CLCN5: variants seen among roughly 807,000 people sequenced by gnomAD.
The protein encoded by CLCN5 is Cl-/H+ antiporter 5, also known as H(+)/Cl(-) exchange transporter 5.
A neutral mutation model predicts 54.0 loss-of-function variants in CLCN5; 17 were observed. The observed-to-expected ratio is 0.31, with a 90% CI of 0.22 to 0.47. The LOEUF is 0.47. CLCN5 is among the 20% of genes least tolerant of loss of function. The pLI, the probability that CLCN5 is intolerant of heterozygous loss-of-function variation, is 1.00. For missense variants in CLCN5, 448 were observed against 646.7 expected, an observed-to-expected ratio of 0.69 and a Z score of 3.33; for synonymous variants, 222 against 233.0, an observed-to-expected ratio of 0.95 and a Z score of 0.43.
At chrX:50,056,865 T>C (rs1125430) in intron 4 of CLCN5, among the ~76,000 whole-genome samples, 3 of 112,072 alleles carry the variant, frequency 2.7e-5, no homozygotes, top group Non-Finnish European at 5.6e-5. Context: ...CTCATAACTC[T>C]CAAACTTCAT....
chrX:50,060,254 T>C (rs1266902172), intron 4 of CLCN5, among the ~76,000 whole-genome samples: 2 of 110,806 alleles, frequency 1.8e-5, no homozygotes, highest in Non-Finnish European at 3.8e-5. Context: ...ACCGGGTTCA[T>C]CTCACTAGGG....
In CLCN5 at chrX:49,940,565, G is replaced by A. The variant is rs62592045; in HGVS notation, c.16+15251G>A. The stretch of plus-strand genomic sequence containing the variant: ...CTCAGAGACTAGCTTTTGGAAGGAC[G>A]GTATCTGCTTCTGAATCTTCTTAGT... On this transcript the variant is annotated intron_variant, in intron 3 of 14. Transcript: ENST00000376091. 2.7e-3 allele frequency among the ~76,000 whole-genome samples: 300 copies of A among 112,230 alleles called. 1 individual carries two copies. Among genetic ancestry groups the A allele is most frequent in the Non-Finnish European group, 3.9e-3 (207 of 53,204 alleles).
intron 3 of CLCN5, among the ~76,000 whole-genome samples, chrX:49,949,847 A>G (rs1347135765): frequency 8.9e-6 from 1 of 111,894 alleles, no homozygotes; most frequent in Non-Finnish European, 1.9e-5. Context: ...CAATTTGGCT[A>G]TGGCTTCTGT....
At chrX:50,083,011 A>G (rs1933759294) in intron 9 of CLCN5, among the ~76,000 whole-genome samples, 1 of 111,260 alleles carries the variant, frequency 9.0e-6, no homozygotes, top group Non-Finnish European at 1.9e-5. Context: ...TTTTTAAAAA[A>G]AAGTTCCAAG....
intron 3 of CLCN5, among the ~76,000 whole-genome samples, chrX:49,990,977 G>A (rs1929231662): frequency 8.9e-6 from 1 of 112,463 alleles, no homozygotes; most frequent in East Asian, 2.8e-4. Flanking sequence ...ATTTGGGCTG[G>A]TTCCATATTT....
At chrX:50,028,345 C>G (rs1352539720) in intron 3 of CLCN5, among the ~76,000 whole-genome samples, 1 of 111,983 alleles carries the variant, frequency 8.9e-6, no homozygotes, top group African/African-American at 3.2e-5. Context: ...AGCTTTTTCT[C>G]TGATCTTCAC....
In CLCN5 at chrX:49,944,078, G is replaced by C. The variant is rs782184905; in HGVS notation, c.16+18764G>C. Among the ~76,000 whole-genome samples the C allele has an allele frequency of 4.5e-5, 5 of 111,105 alleles. No individual in the cohort carries two copies. The South Asian group carries it at 1.9e-3, about 43-fold the overall frequency. On this transcript the variant is annotated intron_variant, in intron 3 of 14. Coordinates refer to ENST00000376091, the MANE Select transcript of CLCN5 (RefSeq NM_001127898.4). ...ATTTGTTTGTATCCTCTTTTATTTC[G>C]TTGAGCATTAGTTTGTAGTTCTCCT...
intron 4 of CLCN5, among the ~76,000 whole-genome samples, chrX:50,057,723 A>G (rs1212226425): frequency 4.7e-5 from 5 of 105,740 alleles, no homozygotes; most frequent in Non-Finnish European, 7.9e-5. Flanking sequence ...GGCTACTCCA[A>G]CTACATTTGC....
rs1404035278 is a variant in CLCN5, at chrX:50,019,602, T to C, written c.17-22714T>C. On this transcript the variant is annotated intron_variant, in intron 3 of 14. Transcript: ENST00000376091. ...CTAATGTGTCATCTAGCATTAGGTA[T>C]ATCTCCCAATGCTATCCCTCCCCCC... 5.5e-5 allele frequency among the ~76,000 whole-genome samples: 3 copies of C among 54,214 alleles called. No homozygotes were observed. The East Asian group carries it at 1.8e-3, about 33-fold the overall frequency. 47.1% of individuals were successfully genotyped at this position (54,214 alleles called of 115,157 possible). A position where few individuals can be genotyped will look rare whatever the true frequency, so the allele number is the denominator to read the frequency against.
At chrX:49,958,774 C>G (rs1927456495) in intron 3 of CLCN5, among the ~76,000 whole-genome samples, 1 of 111,605 alleles carries the variant, frequency 9.0e-6, no homozygotes, top group Non-Finnish European at 1.9e-5. Context: ...ATCAGTTGGG[C>G]TGTGATGAAC....
At chrX:49,976,635 G>T (rs1684928696) in intron 3 of CLCN5, among the ~76,000 whole-genome samples, 1 of 112,162 alleles carries the variant, frequency 8.9e-6, no homozygotes, top group African/African-American at 3.2e-5. Context: ...CAGGCATGTG[G>T]GAATAGCATG....
intron 3 of CLCN5, among the ~76,000 whole-genome samples, chrX:50,032,174 A>G (rs1158265409): frequency 1.2e-4 from 13 of 111,458 alleles, no homozygotes; most frequent in South Asian, 3.8e-4. Flanking sequence ...GTGCCGCAAT[A>G]AACATACATG....
intron 14 of CLCN5, 77 bp downstream of exon 14, chrX:50,090,963 A>G: frequency 2.3e-6 from 2 of 871,191 alleles, no homozygotes; most frequent in Non-Finnish European, 3.4e-6. Context: ...AGAAAGAAGT[A>G]GAACCCAGTT....
At chrX:50,013,457 T>C (rs1557182992) in intron 3 of CLCN5, 1 of 243,874 alleles carries the variant, frequency 4.1e-6, no homozygotes, top group African/African-American at 2.9e-5. Flanking sequence ...ACTTCCTATC[T>C]AGTGGAGGTA....
chrX:49,939,546 C>A (rs782681700), intron 3 of CLCN5, among the ~76,000 whole-genome samples: 12 of 110,936 alleles, frequency 1.1e-4, no homozygotes, highest in Admixed American at 7.7e-4. Flanking sequence ...GGACAAAAAA[C>A]CAAACACTGC....
At chrX:50,049,099 C>T (rs1425894497) in intron 4 of CLCN5, among the ~76,000 whole-genome samples, 2 of 111,421 alleles carry the variant, frequency 1.8e-5, no homozygotes, top group Non-Finnish European at 3.8e-5. Flanking sequence ...CACTCACAAT[C>T]TGTTACTTAA....
chrX:50,066,755 AGTT>A (rs1347084158), intron 4 of CLCN5, among the ~76,000 whole-genome samples: 7 of 112,108 alleles, frequency 6.2e-5, no homozygotes, highest in African/African-American at 1.9e-4. Flanking sequence ...TGAGTACCAG[AGTT>A]GTTGTTGCTT....
chrX:50,055,779 A>G (rs1189518931), intron 4 of CLCN5, among the ~76,000 whole-genome samples: 1 of 111,657 alleles, frequency 9.0e-6, no homozygotes, highest in Non-Finnish European at 1.9e-5. Flanking sequence ...TTCTTTCTCT[A>G]TCCAGTCACA....
intron 3 of CLCN5, among the ~76,000 whole-genome samples, chrX:49,958,300 T>C (rs1488561940): frequency 1.8e-5 from 2 of 111,449 alleles, no homozygotes; most frequent in African/African-American, 6.5e-5. Flanking sequence ...CATTTAGCAA[T>C]AGTTTGTTCC....
Sources: gnomAD v4.1 joint callset for allele counts (sites outside exome capture counted in the v4.1 genomes callset) on GRCh38, gnomAD v4.1.1 for gene constraint, MANE v1.5 for transcripts, NCBI Gene and HGNC (gene_info 2026-07-23, HGNC 2026-07-21) for gene names.